The following MYRIP variants were observed in gnomAD, a reference collection of about 807,000 sequenced individuals.
MYRIP encodes myosin VIIA and Rab interacting protein, also known as rab effector MyRIP.
In MYRIP, 49 loss-of-function variants were observed where a neutral mutation model predicts 98.0. That is an observed-to-expected ratio of 0.50 (90% confidence interval 0.40 to 0.63). MYRIP has a LOEUF of 0.63. Ranked by LOEUF, MYRIP falls within the 30% of genes least tolerant of loss-of-function variation. The pLI, the probability that MYRIP is intolerant of heterozygous loss-of-function variation, is 0.00. For missense variants in MYRIP, 1,004 were observed against 1,058.2 expected, an observed-to-expected ratio of 0.95 and a Z score of 0.71; for synonymous variants, 404 against 409.5, an observed-to-expected ratio of 0.99 and a Z score of 0.16.
chr3:40,172,176 C>T (rs555930064), intron 8 of MYRIP, among the ~76,000 whole-genome samples: 2 of 152,308 alleles, frequency 1.3e-5, no homozygotes, highest in African/African-American at 4.8e-5. Flanking sequence ...GCAGACTCCA[C>T]CATCTAATGG....
intron 2 of MYRIP, among the ~76,000 whole-genome samples, chr3:39,935,077 G>A (rs1944627900): frequency 6.6e-6 from 1 of 152,182 alleles, no homozygotes; most frequent in Non-Finnish European, 1.5e-5. Flanking sequence ...ATCTGCCCCT[G>A]GCATTCAGCT....
chr3:40,250,539 G>A (rs1244979866), intron 15 of MYRIP, 40 bp downstream of exon 15: 1 of 1,607,696 alleles, frequency 6.2e-7, no homozygotes, highest in African/African-American at 1.3e-5. Context: ...AAAAAATTAA[G>A]CCTGAATCAT....
At chr3:40,229,486 G>C (rs921666564) in intron 11 of MYRIP, among the ~76,000 whole-genome samples, 2 of 150,266 alleles carry the variant, frequency 1.3e-5, no homozygotes, top group Non-Finnish European at 2.9e-5. Context: ...CTGTCGTAAA[G>C]GCCTGCTTCA....
chr3:40,166,314 A>C (rs1950497622), intron 5 of MYRIP, among the ~76,000 whole-genome samples: 1 of 152,226 alleles, frequency 6.6e-6, no homozygotes, highest in Non-Finnish European at 1.5e-5. Context: ...TCCTTATATG[A>C]AGCCCTTTTG....
intron 1 of MYRIP, among the ~76,000 whole-genome samples, chr3:39,845,751 T>G (rs1941944299): frequency 6.6e-6 from 1 of 151,898 alleles, no homozygotes; most frequent in Non-Finnish European, 1.5e-5. Context: ...GTCACCCACT[T>G]TTTTTCTAAG....
chr3:39,851,915 C>A (rs1410696852), intron 1 of MYRIP, among the ~76,000 whole-genome samples: 1 of 152,046 alleles, frequency 6.6e-6, no homozygotes, highest in African/African-American at 2.4e-5. Flanking sequence ...GCTGGTCAGG[C>A]TTCTCCTGCA....
At chr3:40,084,761 G>A (rs139969766) in intron 3 of MYRIP, among the ~76,000 whole-genome samples, 3 of 67,720 alleles carry the variant, frequency 4.4e-5, no homozygotes, top group African/African-American at 9.3e-5. Context: ...TGTGTTACAT[G>A]TCGATAGATA....
intron 3 of MYRIP, among the ~76,000 whole-genome samples, chr3:40,071,682 AT>A (rs1948234402): frequency 6.6e-6 from 1 of 152,144 alleles, no homozygotes; most frequent in Non-Finnish European, 1.5e-5. Context: ...CAGGATGCAG[AT>A]GCTGGGGAGG....
intron 3 of MYRIP, among the ~76,000 whole-genome samples, chr3:40,053,814 C>T (rs992164127): frequency 1.3e-5 from 2 of 152,160 alleles, no homozygotes; most frequent in African/African-American, 4.8e-5. Context: ...TGTGCTCCCT[C>T]ACCTCAAAAG....
At chr3:39,853,712 T>G (rs922814007) in intron 1 of MYRIP, among the ~76,000 whole-genome samples, 1 of 152,206 alleles carries the variant, frequency 6.6e-6, no homozygotes, top group Non-Finnish European at 1.5e-5. Context: ...GTTCTCTGTT[T>G]ATTCTGCTGA....
intron 2 of MYRIP, among the ~76,000 whole-genome samples, chr3:39,977,881 T>C (rs1384739436): frequency 3.9e-5 from 6 of 152,130 alleles, no homozygotes; most frequent in Admixed American, 1.3e-4. Flanking sequence ...GGGTCAGCTT[T>C]CCCCCGCTTT....
intron 1 of MYRIP, among the ~76,000 whole-genome samples, chr3:39,871,999 C>A (rs1293481876): frequency 6.6e-6 from 1 of 151,888 alleles, no homozygotes; most frequent in African/African-American, 2.4e-5. Context: ...ATGCTTGAAG[C>A]TATTATTTAA....
chr3:39,852,872 C>A (rs898112785), intron 1 of MYRIP, among the ~76,000 whole-genome samples: 4 of 152,224 alleles, frequency 2.6e-5, no homozygotes, highest in Non-Finnish European at 5.9e-5. Flanking sequence ...CCTCTGCCTT[C>A]TGGGTTCAAG....
At chr3:39,975,710 A>G (rs184978143) in intron 2 of MYRIP, among the ~76,000 whole-genome samples, 18 of 152,266 alleles carry the variant, frequency 1.2e-4, no homozygotes, top group South Asian at 1.0e-3. Context: ...GATATAGACT[A>G]ATGGAACAGA....
At chr3:40,171,775 A>G (rs1216615512) in intron 8 of MYRIP, among the ~76,000 whole-genome samples, 1 of 152,248 alleles carries the variant, frequency 6.6e-6, no homozygotes, top group African/African-American at 2.4e-5. Context: ...TTGAGCTTCC[A>G]CTATGTGCAA....
At chr3:39,973,525 C>A (rs62264377) in intron 2 of MYRIP, among the ~76,000 whole-genome samples, 1 of 152,114 alleles carries the variant, frequency 6.6e-6, no homozygotes, top group Admixed American at 6.6e-5. Context: ...TATCCAGGAA[C>A]TGAACTCAGC....
At chr3:39,885,929 G>A in intron 1 of MYRIP, among the ~76,000 whole-genome samples, 1 of 151,804 alleles carries the variant, frequency 6.6e-6, no homozygotes, top group Non-Finnish European at 1.5e-5. Flanking sequence ...CAACTTGTTT[G>A]CCTTTGGTTT....
At chr3:39,992,125 C>A (rs1469658053) in intron 2 of MYRIP, among the ~76,000 whole-genome samples, 1 of 152,142 alleles carries the variant, frequency 6.6e-6, no homozygotes, top group Non-Finnish European at 1.5e-5. Context: ...ATTGACATCA[C>A]AATTAACCCA....
chr3:39,894,399 T>G (rs186629595), intron 1 of MYRIP, among the ~76,000 whole-genome samples: 96 of 152,330 alleles, frequency 6.3e-4, no homozygotes, highest in Non-Finnish European at 1.1e-3. Flanking sequence ...CCATCTGACT[T>G]ACTTTGCTCA....
Sources: gnomAD v4.1 joint callset for allele counts (sites outside exome capture counted in the v4.1 genomes callset) on GRCh38, gnomAD v4.1.1 for gene constraint, MANE v1.5 for transcripts, NCBI Gene and HGNC (gene_info 2026-07-23, HGNC 2026-07-21) for gene names.